SLC47A2: variants seen among roughly 807,000 people sequenced by gnomAD.
SLC47A2 encodes the protein multidrug and toxin extrusion protein 2.
In SLC47A2, 52 loss-of-function variants were observed where a neutral mutation model predicts 67.7. The observed-to-expected ratio is 0.77, with a 90% CI of 0.61 to 0.97. The LOEUF is 0.97. SLC47A2 is among the 50% of genes least tolerant of loss of function. SLC47A2 has a pLI of 0.00. For synonymous variants in SLC47A2, 278 were observed against 292.9 expected (o/e 0.95, Z 0.52); for missense variants, 676 against 712.3 (o/e 0.95, Z 0.58).
intron 5 of SLC47A2, among the ~76,000 whole-genome samples, chr17:19,711,267 A>G (rs185453910): frequency 6.4e-4 from 98 of 152,338 alleles, no homozygotes; most frequent in Non-Finnish European, 1.2e-3. Flanking sequence ...CATAATAAGT[A>G]CATGAGAAAA....
chr17:19,718,453 G>A (rs780494913), upstream of SLC47A2: 5 of 152,466 alleles, frequency 3.3e-5, no homozygotes, highest in Middle Eastern at 3.4e-3. Flanking sequence ...CCATCAGCTC[G>A]GTGACATCAG....
intron 16 of SLC47A2, 143 bp downstream of exon 16, chr17:19,679,809 G>T: frequency 1.3e-6 from 1 of 769,418 alleles, no homozygotes; most frequent in Non-Finnish European, 2.0e-6. Context: ...TGGTGCTTAG[G>T]ACATCATTTT....
At chr17:19,708,086 T>G (rs561458622) in intron 7 of SLC47A2, among the ~76,000 whole-genome samples, 12 of 152,280 alleles carry the variant, frequency 7.9e-5, no homozygotes, top group African/African-American at 2.9e-4. Flanking sequence ...CCTCTCCTGG[T>G]GGGCTTGGGC....
intron 13 of SLC47A2, 125 bp from the exon 14 acceptor site, chr17:19,681,795 G>T: frequency 8.2e-7 from 1 of 1,220,724 alleles, no homozygotes; most frequent in Non-Finnish European, 1.1e-6. Context: ...AGCACTGGAT[G>T]GGTGCCCTTA....
At chr17:19,713,693 A>C in intron 4 of SLC47A2, 132 bp downstream of exon 4, 1 of 1,275,964 alleles carries the variant, frequency 7.8e-7, no homozygotes, top group Middle Eastern at 2.8e-4. Context: ...GAAGGTACCC[A>C]CAGGCACCGT....
At chr17:19,699,248 T>C (rs1214746106) in intron 13 of SLC47A2, among the ~76,000 whole-genome samples, 1 of 151,832 alleles carries the variant, frequency 6.6e-6, no homozygotes, top group Non-Finnish European at 1.5e-5. Context: ...TACAAAATAA[T>C]GAATTTAGAT....
At chr17:19,691,364 A>T (rs2085536837) in intron 13 of SLC47A2, among the ~76,000 whole-genome samples, 1 of 152,236 alleles carries the variant, frequency 6.6e-6, no homozygotes, top group African/African-American at 2.4e-5. Flanking sequence ...CCATGAACAG[A>T]TGAATGGATG....
intron 13 of SLC47A2, among the ~76,000 whole-genome samples, chr17:19,690,847 G>T (rs142364460): frequency 1.3e-5 from 2 of 151,944 alleles, no homozygotes; most frequent in Non-Finnish European, 1.5e-5. Context: ...GGCCGGGCAC[G>T]GTGGCTCACG....
At chr17:19,715,302 G>A (rs2086223743) in intron 1 of SLC47A2, 85 bp from the exon 2 acceptor site, 1 of 1,271,532 alleles carries the variant, frequency 7.9e-7, no homozygotes, top group Non-Finnish European at 1.1e-6. Context: ...CAGCTTTGAG[G>A]GCCCCGCACC....
At chr17:19,704,031 CCAA>C in intron 11 of SLC47A2, 36 bp downstream of exon 11, 1 of 1,521,644 alleles carries the variant, frequency 6.6e-7, no homozygotes, top group Non-Finnish European at 8.9e-7. Context: ...GTGACTCAGG[CCAA>C]CGTTTGAAGG....
chr17:19,694,925 A>G (rs2085625275), intron 13 of SLC47A2, among the ~76,000 whole-genome samples: 1 of 151,938 alleles, frequency 6.6e-6, no homozygotes, highest in Admixed American at 6.6e-5. Context: ...CAAAAAAAAA[A>G]AAAAAAGGAT....
Position 19,707,717 on chromosome 17 carries a change from AGCCTCCCAGAGCAGGCCAG to A in SLC47A2, c.727+10_727+28del, listed in dbSNP as rs752381053. 35 of 1,549,050 alleles carry A rather than the reference AGCCTCCCAGAGCAGGCCAG, an allele frequency of 2.3e-5. No homozygotes were observed. The South Asian group carries it at 4.0e-4, about 18-fold the overall frequency. On this transcript the variant is annotated intron_variant, in intron 8 of 16. Transcript: ENST00000433844. The stretch of plus-strand genomic sequence containing the variant: ...GGGCAGCACCACCGCTGGCCTGCTC[AGCCTCCCAGAGCAGGCCAG>A]GCCTCCCACCTGCCCACGTCTCCAG...
chr17:19,693,647 A>T (rs376364090), intron 13 of SLC47A2, among the ~76,000 whole-genome samples: 1 of 145,858 alleles, frequency 6.9e-6, no homozygotes, highest in African/African-American at 2.5e-5. Context: ...AATAAATAAA[A>T]ATTAGCCAGG....
chr17:19,685,842 A>T lies in SLC47A2; in HGVS notation c.1165-4172T>A, dbSNP rs1468388768. Among the ~76,000 whole-genome samples the T allele has an allele frequency of 6.6e-6, 1 of 152,268 alleles. No homozygotes were observed. Among genetic ancestry groups the T allele is most frequent in the Non-Finnish European group, 1.5e-5 (1 of 68,040 alleles). On this transcript the variant is annotated intron_variant, in intron 13 of 16. Coordinates refer to ENST00000433844, the MANE Select transcript of SLC47A2 (RefSeq NM_001099646.3). This position sits in a 1 kb window ranked among gnomAD's most constrained non-coding sequence, Gnocchi z 4.5. ...AAATAAATAAACTACTTTTCAAGAC[A>T]TAGTGTAAGATATAAATAGAAACAA...
At chr17:19,701,524 T>A (rs1247230576) in intron 13 of SLC47A2, among the ~76,000 whole-genome samples, 1 of 152,162 alleles carries the variant, frequency 6.6e-6, no homozygotes, top group East Asian at 1.9e-4. Context: ...CCAGTATTGC[T>A]AAGTAAGGGC....
chr17:19,703,362 G>A (rs1230108814), intron 11 of SLC47A2, among the ~76,000 whole-genome samples, 195 bp from the exon 12 acceptor site: 1 of 152,254 alleles, frequency 6.6e-6, no homozygotes, highest in Admixed American at 6.5e-5. Context: ...AGGAAGGGCA[G>A]TGTGGAAAAT....
rs371634213 is a variant in SLC47A2 at position 19,704,233 on chromosome 17, G to C, written c.910-55C>G. 153 of 1,470,744 alleles carry C rather than the reference G, an allele frequency of 1.0e-4. 1 individual carries two copies. The East Asian group carries it at 2.8e-3, about 27-fold the overall frequency. 91.1% of individuals were successfully genotyped at this position (1,470,744 alleles called of 1,614,324 possible). On this transcript the variant is annotated intron_variant, in intron 10 of 16. Coordinates refer to ENST00000433844, the MANE Select transcript of SLC47A2 (RefSeq NM_001099646.3). ...GTGGGCCCACCCTCCAACCCCTGAA[G>C]TCCTGAGCCAGCCTGGGCCAAGAGG...
chr17:19,689,646 A>G, intron 13 of SLC47A2, among the ~76,000 whole-genome samples: 1 of 151,748 alleles, frequency 6.6e-6, no homozygotes, highest in Middle Eastern at 3.2e-3. Context: ...GCAGTAAGCC[A>G]TGATCATGCC....
At chr17:19,713,517 C>A (rs2086160950) in intron 4 of SLC47A2, among the ~76,000 whole-genome samples, 1 of 152,244 alleles carries the variant, frequency 6.6e-6, no homozygotes, top group Non-Finnish European at 1.5e-5. Flanking sequence ...TCGAAAGCAT[C>A]TGTAAAGCTC....
Sources: gnomAD v4.1 joint callset for allele counts (sites outside exome capture counted in the v4.1 genomes callset) on GRCh38, gnomAD v4.1.1 for gene constraint, Gnocchi (gnomAD v3.1) non-coding constraint, MANE v1.5 for transcripts, NCBI Gene and HGNC (gene_info 2026-07-23, HGNC 2026-07-21) for gene names.